Variants in RALYL observed in about 807,000 individuals in gnomAD.
RALYL encodes RALY RNA binding protein like.
Under a neutral mutation model 35.1 loss-of-function variants are expected in RALYL, and 29 were observed. The observed-to-expected ratio is 0.83, with a 90% CI of 0.61 to 1.13. RALYL has a LOEUF of 1.13. Ranked by LOEUF, RALYL falls within the 50% of genes most tolerant of loss-of-function variation. The pLI is 0.00. For missense variants in RALYL, 359 were observed against 360.4 expected, an observed-to-expected ratio of 1.00 and a Z score of 0.03; for synonymous variants, 120 against 127.6, an observed-to-expected ratio of 0.94 and a Z score of 0.40.
intron 1 of RALYL, among the ~76,000 whole-genome samples, chr8:84,455,997 A>G (rs1336993417): frequency 6.6e-6 from 1 of 151,978 alleles, no homozygotes; most frequent in Non-Finnish European, 1.5e-5. Flanking sequence ...TAAGTAGCCC[A>G]TATTGTTTCT....
At chr8:84,224,968 T>C (rs1486298677) in intron 1 of RALYL, among the ~76,000 whole-genome samples, 1 of 152,220 alleles carries the variant, frequency 6.6e-6, no homozygotes, top group African/African-American at 2.4e-5. Context: ...TCATTAATAC[T>C]TTTAAAACAC....
chr8:84,225,830 G>C (rs953697190), intron 1 of RALYL, among the ~76,000 whole-genome samples: 1 of 152,142 alleles, frequency 6.6e-6, no homozygotes, highest in Non-Finnish European at 1.5e-5. Flanking sequence ...CATGAAGACA[G>C]AAACTATGTA....
At chr8:84,423,304 T>C (rs1318436557) in intron 1 of RALYL, among the ~76,000 whole-genome samples, 4 of 150,856 alleles carry the variant, frequency 2.7e-5, no homozygotes, top group Non-Finnish European at 4.4e-5. Context: ...CATTATGTAA[T>C]GGCCTTCTTT....
At chr8:84,473,406 C>CT in intron 1 of RALYL, among the ~76,000 whole-genome samples, 1 of 151,370 alleles carries the variant, frequency 6.6e-6, no homozygotes, top group East Asian at 1.9e-4. Context: ...CTTTAAAGTG[C>CT]TTTTACCAAG....
chr8:84,896,056 G>A (rs898083420), intron 8 of RALYL, among the ~76,000 whole-genome samples: 1 of 152,114 alleles, frequency 6.6e-6, no homozygotes, highest in Non-Finnish European at 1.5e-5. Context: ...CTGATGATGT[G>A]CTTCTTCTAC....
chr8:84,584,169 G>C (rs900990265), intron 2 of RALYL, among the ~76,000 whole-genome samples: 5 of 152,114 alleles, frequency 3.3e-5, no homozygotes, highest in Non-Finnish European at 7.4e-5. Flanking sequence ...TAGTCACCCT[G>C]TTGTGCTATC....
chr8:84,668,307 T>C (rs1055884211), intron 2 of RALYL, among the ~76,000 whole-genome samples: 4 of 152,128 alleles, frequency 2.6e-5, no homozygotes, highest in Admixed American at 6.6e-5. Flanking sequence ...AAGAAAGTAA[T>C]AAATTCTGCC....
chr8:84,620,370 T>A (rs906100766), intron 2 of RALYL, among the ~76,000 whole-genome samples: 1 of 152,132 alleles, frequency 6.6e-6, no homozygotes, highest in Non-Finnish European at 1.5e-5. Flanking sequence ...ATACCCTTTC[T>A]TCCAGTTGAT....
intron 4 of RALYL, among the ~76,000 whole-genome samples, chr8:84,807,953 C>T (rs1156465040): frequency 6.6e-6 from 1 of 152,138 alleles, no homozygotes; most frequent in Non-Finnish European, 1.5e-5. Flanking sequence ...GATTTTCTCC[C>T]ACTCTGTGGG....
chr8:84,324,591 G>GTTTTTT (rs145127532), intron 1 of RALYL, among the ~76,000 whole-genome samples: 4 of 151,160 alleles, frequency 2.6e-5, no homozygotes, highest in African/African-American at 7.3e-5. Flanking sequence ...GTAAATAGTT[G>GTTTTTT]TGTTTTTTTT....
At chr8:84,373,758 T>G (rs1051182370) in intron 1 of RALYL, among the ~76,000 whole-genome samples, 1 of 152,036 alleles carries the variant, frequency 6.6e-6, no homozygotes, top group African/African-American at 2.4e-5. Flanking sequence ...CTGTGAAGAA[T>G]GTCATTGGTA....
At chr8:84,640,530 A>G (rs1218609739) in intron 2 of RALYL, among the ~76,000 whole-genome samples, 1 of 152,016 alleles carries the variant, frequency 6.6e-6, no homozygotes, top group Non-Finnish European at 1.5e-5. Context: ...TTCTGATTAC[A>G]TTCAAAAATT....
chr8:84,494,084 A>G (rs575077073), intron 1 of RALYL, among the ~76,000 whole-genome samples: 80 of 152,032 alleles, frequency 5.3e-4, no homozygotes, highest in Middle Eastern at 3.4e-3. Context: ...TTTTGTATAA[A>G]GTGTAAGGAA....
At chr8:84,402,658 T>C (rs1014149446) in intron 1 of RALYL, among the ~76,000 whole-genome samples, 1 of 152,108 alleles carries the variant, frequency 6.6e-6, no homozygotes, top group Admixed American at 6.6e-5. Flanking sequence ...CATATGTCAG[T>C]AGTGAAAATA....
chr8:84,466,416 T>TC (rs1415836254), intron 1 of RALYL, among the ~76,000 whole-genome samples: 12 of 149,546 alleles, frequency 8.0e-5, no homozygotes, highest in Admixed American at 2.0e-4. Flanking sequence ...GGTTTTTGTC[T>TC]TTGGCTCTGT....
intron 2 of RALYL, among the ~76,000 whole-genome samples, chr8:84,569,318 T>A (rs1807334095): frequency 6.6e-6 from 1 of 152,066 alleles, no homozygotes; most frequent in South Asian, 2.1e-4. Context: ...CTTTCCCCAT[T>A]TCTTGTTTTT....
intron 1 of RALYL, among the ~76,000 whole-genome samples, chr8:84,444,353 AAAC>A (rs527824172): frequency 1.0e-3 from 152 of 152,168 alleles, no homozygotes; most frequent in African/African-American, 3.5e-3. Flanking sequence ...ACAAGCAAAA[AAAC>A]AACAATGAAA....
chr8:84,392,367 C>A (rs2131814495), intron 1 of RALYL, among the ~76,000 whole-genome samples: 1 of 151,786 alleles, frequency 6.6e-6, no homozygotes, highest in Non-Finnish European at 1.5e-5. Context: ...TAGTTCTTTT[C>A]TTAGAGATAA....
chr8:84,366,619 A>G (rs1300061277), intron 1 of RALYL, among the ~76,000 whole-genome samples: 1 of 151,954 alleles, frequency 6.6e-6, no homozygotes, highest in Admixed American at 6.6e-5. Context: ...TGCTAAAAAT[A>G]CAAAATTTAG....
Sources: gnomAD v4.1 joint callset for allele counts (sites outside exome capture counted in the v4.1 genomes callset) on GRCh38, gnomAD v4.1.1 for gene constraint, MANE v1.5 for transcripts, NCBI Gene and HGNC (gene_info 2026-07-23, HGNC 2026-07-21) for gene names.